Variants in ZNF385D observed in about 807,000 individuals in gnomAD.
ZNF385D encodes the protein zinc finger protein 659.
In ZNF385D, 15 loss-of-function variants were observed where a neutral mutation model predicts 35.8. The ratio of observed to expected loss-of-function variants is 0.42; its 90% CI spans 0.28 to 0.64. The LOEUF (loss-of-function observed/expected upper bound fraction) is 0.64. ZNF385D is among the 30% of genes least tolerant of loss of function. The pLI is 0.23. For missense variants in ZNF385D, 474 were observed against 494.6 expected, an observed-to-expected ratio of 0.96 and a Z score of 0.39; for synonymous variants, 212 against 186.8, an observed-to-expected ratio of 1.13 and a Z score of -1.10.
chr3:21,752,533 T>A (rs2070151434), upstream of ZNF385D, among the ~76,000 whole-genome samples: 1 of 152,210 alleles, frequency 6.6e-6, no homozygotes, highest in Non-Finnish European at 1.5e-5. Context: ...TTCTGTGCAA[T>A]CTTGCATAAA....
intron 3 of ZNF385D, among the ~76,000 whole-genome samples, chr3:22,012,420 G>C (rs970980821): frequency 6.6e-6 from 1 of 152,022 alleles, no homozygotes; most frequent in African/African-American, 2.4e-5. Flanking sequence ...ATTTACATTT[G>C]TCATTGTAAA....
intron 3 of ZNF385D, among the ~76,000 whole-genome samples, chr3:21,819,204 CAT>C (rs892655306): frequency 4.0e-5 from 6 of 151,354 alleles, no homozygotes; most frequent in Admixed American, 2.0e-4. Context: ...AAAAAAGAAA[CAT>C]AAAGAAAGCA....
At chr3:22,088,868 C>T (rs1701176845) in intron 3 of ZNF385D, among the ~76,000 whole-genome samples, 1 of 151,940 alleles carries the variant, frequency 6.6e-6, no homozygotes, top group African/African-American at 2.4e-5. Context: ...AGTTGTGTTG[C>T]TCATATACCT....
chr3:21,553,514 A>G (rs1490396687), intron 3 of ZNF385D, among the ~76,000 whole-genome samples: 2 of 151,610 alleles, frequency 1.3e-5, no homozygotes, highest in Admixed American at 6.6e-5. Context: ...CAGTGTAGAT[A>G]GCTATTGGCT....
intron 3 of ZNF385D, among the ~76,000 whole-genome samples, chr3:21,874,078 G>A (rs1697836103): frequency 6.6e-6 from 1 of 150,808 alleles, no homozygotes; most frequent in Admixed American, 6.6e-5. Flanking sequence ...TACTATTTTT[G>A]ACAGAAGATG....
intron 3 of ZNF385D, among the ~76,000 whole-genome samples, chr3:22,121,302 G>C (rs1703077197): frequency 6.6e-6 from 1 of 152,164 alleles, no homozygotes; most frequent in Non-Finnish European, 1.5e-5. Flanking sequence ...AGCAGGGAGA[G>C]AAACCGTTTC....
At chr3:21,766,218 A>G (rs897328917) in intron 3 of ZNF385D, among the ~76,000 whole-genome samples, 7 of 152,210 alleles carry the variant, frequency 4.6e-5, no homozygotes, top group South Asian at 4.1e-4. Context: ...TTTAATGTCT[A>G]TCCTCCACTG....
At chr3:21,546,876 C>T (rs1306338910) in intron 3 of ZNF385D, among the ~76,000 whole-genome samples, 1 of 151,918 alleles carries the variant, frequency 6.6e-6, no homozygotes, top group Non-Finnish European at 1.5e-5. Context: ...TTTGCACTCA[C>T]GGTGGTGCCT....
chr3:21,903,752 G>C (rs776738608), intron 3 of ZNF385D, among the ~76,000 whole-genome samples: 7 of 152,116 alleles, frequency 4.6e-5, no homozygotes, highest in African/African-American at 1.7e-4. Context: ...AATGAAGTCA[G>C]CTTTGAGTAA....
At chr3:21,882,428 T>C (rs1479430147) in intron 3 of ZNF385D, among the ~76,000 whole-genome samples, 1 of 151,906 alleles carries the variant, frequency 6.6e-6, no homozygotes, top group Non-Finnish European at 1.5e-5. Context: ...ATATAAAACA[T>C]TGTTGTTTTA....
At chr3:21,547,731 C>T (rs2062425789) in intron 3 of ZNF385D, among the ~76,000 whole-genome samples, 1 of 151,916 alleles carries the variant, frequency 6.6e-6, no homozygotes, top group African/African-American at 2.4e-5. Flanking sequence ...ATTCTCCTGC[C>T]TCAGCCTCCC....
chr3:21,625,068 G>A (rs991822172), intron 2 of ZNF385D, among the ~76,000 whole-genome samples: 1 of 151,980 alleles, frequency 6.6e-6, no homozygotes, highest in Non-Finnish European at 1.5e-5. Flanking sequence ...TAATAAATTT[G>A]TTACAATGTA....
intron 2 of ZNF385D, among the ~76,000 whole-genome samples, chr3:21,638,944 T>A (rs2065523917): frequency 6.6e-6 from 1 of 151,944 alleles, no homozygotes; most frequent in Admixed American, 6.6e-5. Context: ...CACAAAGAAA[T>A]GGAAACTCTG....
intron 3 of ZNF385D, among the ~76,000 whole-genome samples, chr3:21,966,577 A>C (rs1220973858): frequency 1.3e-5 from 2 of 152,062 alleles, no homozygotes; most frequent in African/African-American, 2.4e-5. Flanking sequence ...TAGCAGGTTT[A>C]CTTCTTGTTT....
At chr3:21,663,481 T>C (rs2066298288) in intron 2 of ZNF385D, among the ~76,000 whole-genome samples, 1 of 152,000 alleles carries the variant, frequency 6.6e-6, no homozygotes, top group African/African-American at 2.4e-5. Flanking sequence ...CCTGGGTGTC[T>C]GGGACACAAG....
chr3:22,066,664 G>A (rs1264475515), intron 3 of ZNF385D, among the ~76,000 whole-genome samples: 1 of 151,814 alleles, frequency 6.6e-6, no homozygotes, highest in Non-Finnish European at 1.5e-5. Context: ...GGTGTTGTAG[G>A]AGGCAGTAAC....
At chr3:22,249,287 AGC>A (rs1261262285) in intron 2 of ZNF385D, among the ~76,000 whole-genome samples, 1 of 152,156 alleles carries the variant, frequency 6.6e-6, no homozygotes, top group East Asian at 1.9e-4. Flanking sequence ...CACCCATATT[AGC>A]AACTGTCTTA....
intron 6 of ZNF385D, among the ~76,000 whole-genome samples, chr3:21,424,511 C>T (rs1700917425): frequency 1.3e-5 from 2 of 149,994 alleles, no homozygotes; most frequent in Admixed American, 6.7e-5. Context: ...GATGGGGTTT[C>T]ACCATCTTGG....
chr3:21,542,091 A>C (rs966784813), intron 3 of ZNF385D, among the ~76,000 whole-genome samples: 1 of 152,190 alleles, frequency 6.6e-6, no homozygotes, highest in Non-Finnish European at 1.5e-5. Context: ...GGAGGCTTCT[A>C]CAAAACAAGC....
Sources: allele counts gnomAD v4.1 joint callset (sites outside exome capture counted in the v4.1 genomes callset), GRCh38; gene constraint gnomAD v4.1.1; transcripts MANE v1.5; gene names NCBI Gene and HGNC (gene_info 2026-07-23, HGNC 2026-07-21).